The following CFDP1 variants were observed in gnomAD, a reference collection of about 807,000 sequenced individuals.
CFDP1 encodes chromatin remodeling protein CFDP1.
In CFDP1, 31 loss-of-function variants were observed where a neutral mutation model predicts 40.1. The observed-to-expected ratio is 0.77, with a 90% CI of 0.58 to 1.04. The LOEUF (loss-of-function observed/expected upper bound fraction) is 1.04. Among genes scored for constraint, CFDP1 ranks in the 50% least tolerant of loss-of-function variants. The probability of loss-of-function intolerance (pLI) is 0.00; values close to 1 mark genes in which losing one functional copy is unlikely to be tolerated. For missense variants in CFDP1, 423 were observed against 343.4 expected (o/e 1.23, Z -1.83); for synonymous variants, 167 against 120.0 (o/e 1.39, Z -2.56).
intron 6 of CFDP1, among the ~76,000 whole-genome samples, chr16:75,303,891 G>C (rs943609783): frequency 6.6e-6 from 1 of 152,148 alleles, no homozygotes; most frequent in Non-Finnish European, 1.5e-5. Context: ...GTAAGAAGCA[G>C]AGCTGCCGAG....
At chr16:75,304,502 G>C (rs2078244398) in intron 6 of CFDP1, among the ~76,000 whole-genome samples, 1 of 152,210 alleles carries the variant, frequency 6.6e-6, no homozygotes, top group African/African-American at 2.4e-5. Flanking sequence ...AGGTGCAAGT[G>C]ATGGCCTGGG....
chr16:75,328,241 C>T (rs1243866426), intron 5 of CFDP1, among the ~76,000 whole-genome samples: 1 of 150,596 alleles, frequency 6.6e-6, no homozygotes, highest in Non-Finnish European at 1.5e-5. Flanking sequence ...GCCTTGACCT[C>T]CCAAAGCACT....
chr16:75,305,766 G>A (rs972833151), intron 5 of CFDP1, among the ~76,000 whole-genome samples: 1 of 152,210 alleles, frequency 6.6e-6, no homozygotes, highest in African/African-American at 2.4e-5. Context: ...CAACACTGAT[G>A]AGTGAAAAGT....
intron 5 of CFDP1, among the ~76,000 whole-genome samples, chr16:75,348,330 G>T (rs1335106443): frequency 3.3e-5 from 5 of 152,206 alleles, no homozygotes. Flanking sequence ...AATGTACTAA[G>T]ATTATATAAG....
intron 5 of CFDP1, among the ~76,000 whole-genome samples, chr16:75,363,287 AAT>A (rs2078692033): frequency 6.6e-6 from 1 of 151,724 alleles, no homozygotes; most frequent in African/African-American, 2.4e-5. Context: ...AAAAAAAAAA[AAT>A]TTTTGCCATC....
chr16:75,301,064 G>C (rs1252198780), intron 6 of CFDP1, among the ~76,000 whole-genome samples: 1 of 152,200 alleles, frequency 6.6e-6, no homozygotes. Context: ...AGTAAGGCCT[G>C]AGGCATGGTG....
chr16:75,395,891 T>C (rs2078992093), intron 4 of CFDP1, among the ~76,000 whole-genome samples: 1 of 150,058 alleles, frequency 6.7e-6, no homozygotes, highest in Non-Finnish European at 1.5e-5. Context: ...AAGGTTCAAA[T>C]AAAGGTGTTT....
intron 2 of CFDP1, among the ~76,000 whole-genome samples, chr16:75,414,021 T>G (rs546405568): frequency 6.6e-6 from 1 of 152,294 alleles, no homozygotes; most frequent in South Asian, 2.1e-4. Flanking sequence ...GCACTCTTCT[T>G]TGTTGTAGTA....
chr16:75,401,973 A>G (rs1264114848), intron 4 of CFDP1, among the ~76,000 whole-genome samples: 2 of 152,216 alleles, frequency 1.3e-5, no homozygotes, highest in African/African-American at 4.8e-5. Context: ...AGCATGGAAA[A>G]AGTATAAACT....
intron 5 of CFDP1, chr16:75,379,876 G>A (rs2078838876): frequency 6.6e-6 from 1 of 152,100 alleles, no homozygotes; most frequent in Non-Finnish European, 1.5e-5. Flanking sequence ...AGTGGCTCAT[G>A]CCTGTAATCT....
chr16:75,311,966 C>T (rs2078295524), intron 5 of CFDP1, among the ~76,000 whole-genome samples: 1 of 152,060 alleles, frequency 6.6e-6, no homozygotes, highest in South Asian at 2.1e-4. Context: ...AGGTCTGACA[C>T]TGGCCTGGAA....
At chr16:75,330,671 C>G (rs1014921056) in intron 5 of CFDP1, among the ~76,000 whole-genome samples, 5 of 152,178 alleles carry the variant, frequency 3.3e-5, no homozygotes, top group Admixed American at 6.5e-5. Flanking sequence ...TCTTCTACAG[C>G]TGGTTTTGAA....
At chr16:75,339,784 A>T (rs537598002) in intron 5 of CFDP1, among the ~76,000 whole-genome samples, 1 of 152,308 alleles carries the variant, frequency 6.6e-6, no homozygotes, top group South Asian at 2.1e-4. Context: ...CAGTCTGCCA[A>T]CTTGAGAGCC....
At chr16:75,361,939 C>A (rs2078682248) in intron 5 of CFDP1, among the ~76,000 whole-genome samples, 1 of 152,208 alleles carries the variant, frequency 6.6e-6, no homozygotes, top group Non-Finnish European at 1.5e-5. Context: ...AAAGCGTGGC[C>A]TCAGGAAAAC....
At chr16:75,362,246 G>A (rs921142551) in intron 5 of CFDP1, among the ~76,000 whole-genome samples, 1 of 152,198 alleles carries the variant, frequency 6.6e-6, no homozygotes. Flanking sequence ...ATACAGATCA[G>A]TGGTCTTGCC....
At chr16:75,414,505 G>A (rs544213287) in intron 2 of CFDP1, 73 bp downstream of exon 2, 13 of 875,496 alleles carry the variant, frequency 1.5e-5, no homozygotes, top group East Asian at 1.2e-4. Context: ...AATCTATCAT[G>A]AGACCAATCT....
rs139426820 is a variant in CFDP1, at chr16:75,348,681, G to A, written c.651-43499C>T. Among the ~76,000 whole-genome samples, 855 of 152,156 alleles carry A rather than the reference G, an allele frequency of 5.6e-3. 6 individuals carry two copies. The highest frequency in any genetic ancestry group is 0.019 in the African/African-American group (799 of 41,542). On this transcript the variant is annotated intron_variant, in intron 5 of 6. Transcript: ENST00000283882. ...TATAATTTGCACATCATAAGATACA[G>A]CTCTTAAGTGAATCATGTCTGTGTT...
chr16:75,375,498 A>G (rs1193520103), intron 5 of CFDP1, among the ~76,000 whole-genome samples: 1 of 152,176 alleles, frequency 6.6e-6, no homozygotes, highest in Non-Finnish European at 1.5e-5. Context: ...CCCAAATAAA[A>G]AAGACTGACA....
chr16:75,345,408 G>A (rs959735050), intron 5 of CFDP1, among the ~76,000 whole-genome samples: 1 of 152,112 alleles, frequency 6.6e-6, no homozygotes, highest in African/African-American at 2.4e-5. Flanking sequence ...AGTGAACCTA[G>A]ACCGTACCAC....
Sources: gnomAD v4.1 joint callset for allele counts (sites outside exome capture counted in the v4.1 genomes callset) on GRCh38, gnomAD v4.1.1 for gene constraint, MANE v1.5 for transcripts, NCBI Gene and HGNC (gene_info 2026-07-23, HGNC 2026-07-21) for gene names.